SLC24A4: variants seen among roughly 807,000 people sequenced by gnomAD.
SLC24A4 encodes sodium/potassium/calcium exchanger 4.
In SLC24A4, 53 loss-of-function variants were observed where a neutral mutation model predicts 79.0. The ratio of observed to expected loss-of-function variants is 0.67; its 90% CI spans 0.54 to 0.84. The LOEUF (loss-of-function observed/expected upper bound fraction) is 0.84. SLC24A4 is among the 40% of genes least tolerant of loss of function. The probability of loss-of-function intolerance (pLI) is 0.00; values close to 1 mark genes in which losing one functional copy is unlikely to be tolerated. For synonymous variants in SLC24A4, 323 were observed against 323.8 expected (o/e 1.00, Z 0.03); for missense variants, 731 against 822.0 (o/e 0.89, Z 1.35).
intron 12 of SLC24A4, among the ~76,000 whole-genome samples, chr14:92,458,153 G>A (rs929579283): frequency 1.3e-5 from 2 of 152,224 alleles, no homozygotes; most frequent in Non-Finnish European, 2.9e-5. Context: ...CTGGAGCAGG[G>A]CCTGGGGATC....
intron 12 of SLC24A4, among the ~76,000 whole-genome samples, chr14:92,467,945 C>T (rs1265892118): frequency 1.3e-5 from 2 of 152,130 alleles, no homozygotes. Flanking sequence ...GGGCTCTAGC[C>T]AGGGCAAATA....
chr14:92,467,179 G>C (rs183739764), intron 12 of SLC24A4, among the ~76,000 whole-genome samples: 2 of 152,232 alleles, frequency 1.3e-5, no homozygotes, highest in African/African-American at 4.8e-5. Context: ...CATGGGACTT[G>C]GTTTTCCTCT....
chr14:92,351,852 A>G (rs1886898083), intron 2 of SLC24A4, among the ~76,000 whole-genome samples: 1 of 151,738 alleles, frequency 6.6e-6, no homozygotes, highest in South Asian at 2.1e-4. Flanking sequence ...TGACAGGGTG[A>G]GATCTTGTCT....
intron 2 of SLC24A4, among the ~76,000 whole-genome samples, chr14:92,337,808 G>A (rs1885899755): frequency 6.6e-6 from 1 of 152,138 alleles, no homozygotes; most frequent in South Asian, 2.1e-4. Flanking sequence ...ATCTCCGTAA[G>A]GTGCTTACAG....
intron 2 of SLC24A4, among the ~76,000 whole-genome samples, chr14:92,326,846 A>T (rs1339143438): frequency 1.3e-5 from 2 of 151,792 alleles, no homozygotes; most frequent in Non-Finnish European, 2.9e-5. Context: ...ATCTTTTTGG[A>T]TCTCTGTTTT....
chr14:92,328,934 TC>T (rs1885310092), intron 2 of SLC24A4, among the ~76,000 whole-genome samples: 2 of 152,240 alleles, frequency 1.3e-5, no homozygotes, highest in Non-Finnish European at 2.9e-5. Flanking sequence ...TTACACCTCT[TC>T]ACCCTGGGCT....
At chr14:92,420,475 C>CT (rs1891216963) in intron 2 of SLC24A4, among the ~76,000 whole-genome samples, 1 of 150,554 alleles carries the variant, frequency 6.6e-6, no homozygotes, top group African/African-American at 2.4e-5. Context: ...GAGACTCTGT[C>CT]TCAAAAAAAA....
At chr14:92,356,427 G>A (rs1361096187) in intron 2 of SLC24A4, among the ~76,000 whole-genome samples, 1 of 152,162 alleles carries the variant, frequency 6.6e-6, no homozygotes, top group East Asian at 1.9e-4. Flanking sequence ...GCCACCATGA[G>A]GACTGTGGCA....
intron 2 of SLC24A4, among the ~76,000 whole-genome samples, chr14:92,401,648 C>T (rs571828979): frequency 1.3e-5 from 2 of 152,272 alleles, no homozygotes; most frequent in Admixed American, 6.5e-5. Flanking sequence ...GTTTTACACC[C>T]AGACTGCCTG....
intron 2 of SLC24A4, among the ~76,000 whole-genome samples, chr14:92,387,655 C>G (rs560631369): frequency 3.3e-5 from 5 of 152,332 alleles, no homozygotes; most frequent in Middle Eastern, 3.4e-3. Flanking sequence ...CCATTGGTCT[C>G]CAGAACTTTC....
At chr14:92,344,396 A>C (rs184899949) in intron 2 of SLC24A4, among the ~76,000 whole-genome samples, 1 of 152,362 alleles carries the variant, frequency 6.6e-6, no homozygotes, top group Non-Finnish European at 1.5e-5. Flanking sequence ...TATGCAACAT[A>C]ACCTAGTGAA....
chr14:92,342,775 TTGGACTCCACCTGC>T (rs1322572862), intron 2 of SLC24A4, among the ~76,000 whole-genome samples: 2 of 152,238 alleles, frequency 1.3e-5, no homozygotes, highest in African/African-American at 4.8e-5. Flanking sequence ...TTTAGTGCCC[TTGGACTCCACCTGC>T]TATGCAGGCA....
At chr14:92,418,499 G>T (rs1891104646) in intron 2 of SLC24A4, among the ~76,000 whole-genome samples, 1 of 152,096 alleles carries the variant, frequency 6.6e-6, no homozygotes, top group African/African-American at 2.4e-5. Context: ...ATATGTGTGT[G>T]TGTTGTGTGT....
At chr14:92,472,855 A>G (rs1232606037) in intron 12 of SLC24A4, among the ~76,000 whole-genome samples, 1 of 152,112 alleles carries the variant, frequency 6.6e-6, no homozygotes, top group Non-Finnish European at 1.5e-5. Flanking sequence ...TCTTTAAGGA[A>G]TCTCCACACT....
intron 3 of SLC24A4, 77 bp downstream of exon 3, chr14:92,434,065 G>A (rs565981092): frequency 2.6e-5 from 29 of 1,126,798 alleles, no homozygotes; most frequent in South Asian, 2.2e-4. Flanking sequence ...GAGCCGTGGC[G>A]TGTCTGAGAT....
At position 92,494,552 on chromosome 14, in the gene SLC24A4, A is replaced by G. The variant is rs893517345; in HGVS notation, c.*924A>G. 6.6e-6 allele frequency: 1 copy of G among 152,232 alleles called. No individual in the cohort carries two copies. Among genetic ancestry groups the G allele is most frequent in the Non-Finnish European group, 1.5e-5 (1 of 68,048 alleles). 9.4% of individuals were successfully genotyped at this position (152,232 alleles called of 1,614,324 possible). On this transcript the variant is annotated 3_prime_UTR_variant, in exon 17 of 17. Transcript: ENST00000532405. This position sits in a 1 kb window ranked among gnomAD's most constrained non-coding sequence, Gnocchi z 4.6. Reference sequence around the variant, plus strand: ...CTGTACTTTCCAGATCTTCTATGTGACACAATGCACTGTCCTTGTGGGTTT... The same window carrying G: ...CTGTACTTTCCAGATCTTCTATGTGGCACAATGCACTGTCCTTGTGGGTTT...
At chr14:92,369,052 G>C (rs1429753012) in intron 2 of SLC24A4, among the ~76,000 whole-genome samples, 3 of 152,142 alleles carry the variant, frequency 2.0e-5, no homozygotes, top group African/African-American at 7.2e-5. Context: ...GCCTCCAGAG[G>C]TGCCCCCTGA....
In SLC24A4 at chr14:92,441,299, C is replaced by T. The variant is rs1425469680; in HGVS notation, c.394-790C>T. On this transcript the variant is annotated intron_variant, in intron 4 of 16. Coordinates refer to ENST00000532405, the MANE Select transcript of SLC24A4 (RefSeq NM_153646.4). The surrounding 1 kb of genome is among the most constrained non-coding windows in gnomAD (Gnocchi z 4.6). ...AGTCTCCACGGTTTCTCCAAACATCCAAAGCCTCCAGCGCTGCATTTCGGA... is the reference window on the plus strand; with the variant it reads ...AGTCTCCACGGTTTCTCCAAACATCTAAAGCCTCCAGCGCTGCATTTCGGA... Among the ~76,000 whole-genome samples, 2 of 152,182 alleles carry T rather than the reference C, an allele frequency of 1.3e-5. No individual in the cohort carries two copies. The highest frequency in any genetic ancestry group is 2.9e-5 in the Non-Finnish European group (2 of 68,042).
intron 2 of SLC24A4, among the ~76,000 whole-genome samples, chr14:92,342,472 C>T (rs2141620808): frequency 6.6e-6 from 1 of 152,186 alleles, no homozygotes; most frequent in Middle Eastern, 3.4e-3. Context: ...CAACCTCTGC[C>T]TCCCGGGTTC....
Sources: gnomAD v4.1 joint callset for allele counts (sites outside exome capture counted in the v4.1 genomes callset) on GRCh38, gnomAD v4.1.1 for gene constraint, Gnocchi (gnomAD v3.1) non-coding constraint, MANE v1.5 for transcripts, NCBI Gene and HGNC (gene_info 2026-07-23, HGNC 2026-07-21) for gene names.